FGF12: variants seen among roughly 807,000 people sequenced by gnomAD.
FGF12 encodes fibroblast growth factor 12B.
FGF12 carries 14 observed loss-of-function variants against 23.6 expected under a neutral mutation model. The ratio of observed to expected loss-of-function variants is 0.59; its 90% confidence interval spans 0.39 to 0.93. FGF12 has a LOEUF of 0.93. Ranked by LOEUF, FGF12 falls within the 40% of genes least tolerant of loss-of-function variation. The pLI is 0.00. For synonymous variants in FGF12, 62 were observed against 77.3 expected, an observed-to-expected ratio of 0.80 and a Z score of 1.04; for missense variants, 175 against 217.8, an observed-to-expected ratio of 0.80 and a Z score of 1.24.
intron 2 of FGF12, among the ~76,000 whole-genome samples, chr3:192,598,991 T>G (rs1418858874): frequency 7.2e-5 from 11 of 152,050 alleles, no homozygotes; most frequent in Non-Finnish European, 4.4e-5. Context: ...AAACCATCAT[T>G]CTCAGCAAGC....
intron 2 of FGF12, among the ~76,000 whole-genome samples, chr3:192,698,113 C>A (rs1051855050): frequency 6.6e-6 from 1 of 152,130 alleles, no homozygotes; most frequent in Non-Finnish European, 1.5e-5. Context: ...CTTTTGTTCA[C>A]TGCTCTATAT....
chr3:192,591,257 T>C (rs1713610638), intron 2 of FGF12, among the ~76,000 whole-genome samples: 1 of 151,154 alleles, frequency 6.6e-6, no homozygotes, highest in African/African-American at 2.4e-5. Flanking sequence ...ATTGGAAGTT[T>C]CTAATTAGCC....
chr3:192,433,588 G>C lies in FGF12; in HGVS notation c.14-73050C>G, dbSNP rs186645850. On this transcript the variant is annotated intron_variant, in intron 2 of 5. Coordinates refer to ENST00000445105, the MANE Select transcript of FGF12 (RefSeq NM_004113.6). ...TGTTAACAATATTTTCTGTAAAACA[G>C]ATGATCAGTCTCACCTCCAATGTGA... Among the ~76,000 whole-genome samples, 792 of 152,252 alleles carry C rather than the reference G, an allele frequency of 5.2e-3. 13 individuals carry two copies. The highest frequency in any genetic ancestry group is 3.2e-3 in the Non-Finnish European group (216 of 68,022).
At position 192,169,443 on chromosome 3, in the gene FGF12, G is replaced by T. The variant is rs532444230; in HGVS notation, c.427+1015C>A. 7.2e-5 allele frequency among the ~76,000 whole-genome samples: 11 copies of T among 152,294 alleles called. No homozygotes were observed. In the South Asian group the frequency reaches 2.3e-3, roughly 32 times the overall value. Reference sequence around the variant, plus strand: ...AAGAGGGTCCTGAGAGGGGCTAGGGGCTTTGAATATCACATTTCATCCAGT... The same window carrying T: ...AAGAGGGTCCTGAGAGGGGCTAGGGTCTTTGAATATCACATTTCATCCAGT... On this transcript the variant is annotated intron_variant, in intron 5 of 5. Coordinates refer to ENST00000445105, the MANE Select transcript of FGF12 (RefSeq NM_004113.6).
At chr3:192,649,398 G>T (rs751815519) in intron 2 of FGF12, among the ~76,000 whole-genome samples, 32 of 152,036 alleles carry the variant, frequency 2.1e-4, no homozygotes, top group Non-Finnish European at 4.0e-4. Context: ...CTCCTTAAGC[G>T]TTCTGCTGCT....
At chr3:192,717,678 A>G (rs1389091078) in intron 2 of FGF12, among the ~76,000 whole-genome samples, 2 of 152,212 alleles carry the variant, frequency 1.3e-5, no homozygotes, top group African/African-American at 4.8e-5. Flanking sequence ...TTCAATCGTC[A>G]TTATCCAAAT....
chr3:192,624,282 G>C (rs954126817), intron 2 of FGF12, among the ~76,000 whole-genome samples: 1 of 151,956 alleles, frequency 6.6e-6, no homozygotes. Flanking sequence ...AAGGCAGTTA[G>C]GCCTGTTTCT....
At chr3:192,245,365 G>A (rs981732588) in intron 4 of FGF12, among the ~76,000 whole-genome samples, 6 of 152,012 alleles carry the variant, frequency 3.9e-5, no homozygotes, top group African/African-American at 1.4e-4. Flanking sequence ...TTATCCTCCT[G>A]CCTTGGCCTC....
rs375718069 is a variant in FGF12 at position 192,581,696 on chromosome 3, T to A, written c.13+145485A>T. Among the ~76,000 whole-genome samples, 98 of 152,206 alleles carry A rather than the reference T, an allele frequency of 6.4e-4. 7 individuals are homozygous for A. The South Asian group carries it at 0.02, about 31-fold the overall frequency. Reference sequence around the variant, plus strand: ...TTCTAAAATGTAAATGAAAATATTTTAGAGGACTTCAAATTTTTCCATTCT... The same window carrying A: ...TTCTAAAATGTAAATGAAAATATTTAAGAGGACTTCAAATTTTTCCATTCT... On this transcript the variant is annotated intron_variant, in intron 2 of 5. Transcript: ENST00000445105.
intron 2 of FGF12, among the ~76,000 whole-genome samples, chr3:192,392,493 G>A (rs914458557): frequency 3.3e-5 from 5 of 151,988 alleles, no homozygotes; most frequent in African/African-American, 4.8e-5. Context: ...CTACTGGGGA[G>A]GCTGAGGCAG....
intron 2 of FGF12, among the ~76,000 whole-genome samples, chr3:192,373,904 A>T (rs1560089974): frequency 6.6e-6 from 1 of 152,242 alleles, no homozygotes; most frequent in South Asian, 2.1e-4. Context: ...ATATTTCAGG[A>T]TTCAATACAG....
intron 4 of FGF12, among the ~76,000 whole-genome samples, chr3:192,199,410 A>T (rs2108659475): frequency 6.6e-6 from 1 of 152,348 alleles, no homozygotes; most frequent in African/African-American, 2.4e-5. Context: ...TGTCCTCCGT[A>T]TTTGAGATTT....
intron 2 of FGF12, among the ~76,000 whole-genome samples, chr3:192,460,139 ACT>A (rs1371334347): frequency 3.3e-5 from 5 of 152,068 alleles, no homozygotes; most frequent in Admixed American, 3.3e-4. Flanking sequence ...GTTAGGGAAC[ACT>A]CTGTTGACTG....
At chr3:192,350,370 T>C (rs958022165) in intron 3 of FGF12, among the ~76,000 whole-genome samples, 1 of 152,148 alleles carries the variant, frequency 6.6e-6, no homozygotes, top group Non-Finnish European at 1.5e-5. Flanking sequence ...AAGTATGGTA[T>C]ATATAAGTAA....
At chr3:192,305,678 A>AT (rs1254757321) in intron 4 of FGF12, among the ~76,000 whole-genome samples, 9,265 of 125,728 alleles carry the variant, frequency 0.074, 484 homozygotes, top group East Asian at 0.34. Context: ...AAAAAAAAAA[A>AT]AATATATATA....
rs111398857 is a variant in FGF12, at chr3:192,247,754, T to C, written c.229-77098A>G. Among the ~76,000 whole-genome samples, 335 of 152,332 alleles carry C rather than the reference T, an allele frequency of 2.2e-3. 2 individuals are homozygous for C. Among genetic ancestry groups the C allele is most frequent in the African/African-American group, 5.5e-3 (229 of 41,592 alleles). On this transcript the variant is annotated intron_variant, in intron 4 of 5. Coordinates refer to ENST00000445105, the MANE Select transcript of FGF12 (RefSeq NM_004113.6). ...GAAAAAACAGTCAACAGCTTCTGTG[T>C]GGCTTCCAGGAGAGATGAAGGCCAA...
intron 2 of FGF12, among the ~76,000 whole-genome samples, chr3:192,584,924 A>G (rs754315998): frequency 6.6e-6 from 1 of 152,160 alleles, no homozygotes; most frequent in Non-Finnish European, 1.5e-5. Flanking sequence ...TCTCTGGGAT[A>G]TGACATCTGC....
intron 4 of FGF12, among the ~76,000 whole-genome samples, chr3:192,334,063 T>C (rs1717265587): frequency 6.6e-6 from 1 of 152,132 alleles, no homozygotes; most frequent in Non-Finnish European, 1.5e-5. Flanking sequence ...TCTGTCTTTC[T>C]TCCTGTGATA....
At position 192,709,653 on chromosome 3, in the gene FGF12, T is replaced by C. The variant is rs147721049; in HGVS notation, c.13+17528A>G. On this transcript the variant is annotated intron_variant, in intron 2 of 5. Coordinates refer to ENST00000445105, the MANE Select transcript of FGF12 (RefSeq NM_004113.6). ...CTCTTCTGACCAAGTTAAGACTCTA[T>C]TATGGTGCTGGGAAATTATTAAGTT... is the stretch of plus-strand genomic sequence containing the variant. 1.2e-3 allele frequency among the ~76,000 whole-genome samples: 181 copies of C among 152,306 alleles called. 1 individual carries two copies. Among genetic ancestry groups the C allele is most frequent in the African/African-American group, 4.2e-3 (173 of 41,558 alleles).
Sources: allele counts gnomAD v4.1 joint callset (sites outside exome capture counted in the v4.1 genomes callset), GRCh38; gene constraint gnomAD v4.1.1; transcripts MANE v1.5; gene names NCBI Gene and HGNC (gene_info 2026-07-23, HGNC 2026-07-21).